Variants in CTNNA3 observed in about 807,000 individuals in gnomAD.
CTNNA3 encodes catenin alpha-3.
In CTNNA3, 76 loss-of-function variants were observed where a neutral mutation model predicts 95.7. The ratio of observed to expected loss-of-function variants is 0.79; its 90% CI spans 0.66 to 0.96. CTNNA3 has a LOEUF of 0.96. CTNNA3 is among the 40% of genes least tolerant of loss of function. The pLI is 0.00. For missense variants in CTNNA3, 1,191 were observed against 1,089.8 expected (o/e 1.09, Z -1.31); for synonymous variants, 431 against 374.4 (o/e 1.15, Z -1.74).
chr10:65,942,014 T>C (rs933435622), intron 17 of CTNNA3, among the ~76,000 whole-genome samples: 1 of 152,194 alleles, frequency 6.6e-6, no homozygotes, highest in Non-Finnish European at 1.5e-5. Flanking sequence ...GGTTTTTTGT[T>C]TGCTTACTGA....
At chr10:67,360,415 G>A (rs80220426) in intron 5 of CTNNA3, among the ~76,000 whole-genome samples, 7 of 137,352 alleles carry the variant, frequency 5.1e-5, no homozygotes, top group African/African-American at 1.9e-4. Context: ...AGAGCAAGCA[G>A]GAAAAAAAAA....
intron 11 of CTNNA3, among the ~76,000 whole-genome samples, chr10:66,439,526 A>C (rs1564964074): frequency 6.6e-6 from 1 of 152,178 alleles, no homozygotes; most frequent in Non-Finnish European, 1.5e-5. Flanking sequence ...GTGATCTCAA[A>C]GATTCCTTAT....
intron 5 of CTNNA3, among the ~76,000 whole-genome samples, chr10:67,461,550 AT>A (rs1399790917): frequency 6.6e-6 from 1 of 152,168 alleles, no homozygotes; most frequent in Non-Finnish European, 1.5e-5. Flanking sequence ...ACTATTTGCA[AT>A]TTTCTGAATC....
intron 13 of CTNNA3, among the ~76,000 whole-genome samples, chr10:66,269,985 C>T (rs2132126740): frequency 6.6e-6 from 1 of 152,262 alleles, no homozygotes; most frequent in South Asian, 2.1e-4. Flanking sequence ...GCTTAGTACA[C>T]ATCCTTGGAA....
chr10:66,329,086 G>A (rs1413301105), intron 12 of CTNNA3, among the ~76,000 whole-genome samples: 2 of 151,124 alleles, frequency 1.3e-5, no homozygotes, highest in East Asian at 3.9e-4. Flanking sequence ...GAGTAGCTGG[G>A]ATTACAGGTG....
chr10:66,018,072 C>T (rs1307314136), intron 15 of CTNNA3, among the ~76,000 whole-genome samples: 1 of 151,896 alleles, frequency 6.6e-6, no homozygotes, highest in African/African-American at 2.4e-5. Flanking sequence ...CGTCCAGAAA[C>T]AAGTGTGACA....
chr10:66,517,582 G>C (rs566293528), intron 11 of CTNNA3, among the ~76,000 whole-genome samples: 64 of 152,162 alleles, frequency 4.2e-4, no homozygotes, highest in African/African-American at 1.4e-3. Context: ...AAAAGGGGGA[G>C]GCATGAATAA....
At chr10:67,395,541 A>C (rs1457174406) in intron 5 of CTNNA3, among the ~76,000 whole-genome samples, 2 of 152,240 alleles carry the variant, frequency 1.3e-5, no homozygotes, top group African/African-American at 4.8e-5. Context: ...TATGGTGCTG[A>C]CAGCAGCAGG....
At chr10:65,928,807 C>T (rs1429365678) in intron 17 of CTNNA3, among the ~76,000 whole-genome samples, 2 of 152,132 alleles carry the variant, frequency 1.3e-5, no homozygotes, top group Admixed American at 1.3e-4. Context: ...ACTCAGAATG[C>T]AAATCTGTTG....
rs146113636 is a variant in CTNNA3 at position 67,477,631 on chromosome 10, C to T, written c.579+44211G>A. Among the ~76,000 whole-genome samples the T allele has an allele frequency of 3.6e-3, 552 of 151,922 alleles. 8 individuals carry two copies. The highest frequency in any genetic ancestry group is 0.013 in the African/African-American group (528 of 41,384). ...GTCTACAGTCACACTTCCTAAGAAG[C>T]GGGGAAAGGGAAAGGGAGAGAAAAC... On this transcript the variant is annotated intron_variant, in intron 5 of 17. Coordinates refer to ENST00000433211, the MANE Select transcript of CTNNA3 (RefSeq NM_013266.4).
At chr10:66,000,883 G>T (rs1442789067) in intron 15 of CTNNA3, among the ~76,000 whole-genome samples, 1 of 152,114 alleles carries the variant, frequency 6.6e-6, no homozygotes, top group Non-Finnish European at 1.5e-5. Flanking sequence ...TTTGAACTCA[G>T]GGAATGTGGC....
At chr10:67,089,114 G>C (rs1761468635) in intron 7 of CTNNA3, among the ~76,000 whole-genome samples, 1 of 151,902 alleles carries the variant, frequency 6.6e-6, no homozygotes, top group African/African-American at 2.4e-5. Context: ...ATAAACCTAA[G>C]GGACCCCCCA....
chr10:67,148,506 G>A (rs1860942151), intron 7 of CTNNA3, among the ~76,000 whole-genome samples: 1 of 152,168 alleles, frequency 6.6e-6, no homozygotes. Context: ...AGGATGGAAT[G>A]ACTTTGATTC....
chr10:67,550,259 C>T (rs1298688221), intron 3 of CTNNA3, among the ~76,000 whole-genome samples: 1 of 152,012 alleles, frequency 6.6e-6, no homozygotes, highest in African/African-American at 2.4e-5. Flanking sequence ...TCCCATATGC[C>T]TCAGTTAAAT....
chr10:67,684,530 C>T (rs1284572280), intron 1 of CTNNA3, among the ~76,000 whole-genome samples: 2 of 152,206 alleles, frequency 1.3e-5, no homozygotes, highest in Non-Finnish European at 2.9e-5. Context: ...CCCCTCTAAA[C>T]AGGACACCCC....
intron 17 of CTNNA3, among the ~76,000 whole-genome samples, chr10:65,921,677 T>G (rs1389840208): frequency 6.6e-6 from 1 of 152,194 alleles, no homozygotes; most frequent in African/African-American, 2.4e-5. Context: ...CAGGGCAGTG[T>G]GAACTGCCAT....
intron 7 of CTNNA3, 131 bp from the exon 8 acceptor site, chr10:66,775,655 A>T (rs1483097563): frequency 1.6e-6 from 1 of 621,970 alleles, no homozygotes; most frequent in Non-Finnish European, 2.9e-6. Flanking sequence ...TATATTATAT[A>T]TGATTCATGA....
intron 7 of CTNNA3, among the ~76,000 whole-genome samples, chr10:67,034,039 TGA>T (rs1853893354): frequency 6.6e-6 from 1 of 152,334 alleles, no homozygotes; most frequent in Non-Finnish European, 1.5e-5. Flanking sequence ...TCCAACGTGC[TGA>T]GACTACAGGC....
At chr10:66,895,456 G>A (rs1006672683) in intron 7 of CTNNA3, among the ~76,000 whole-genome samples, 6 of 152,214 alleles carry the variant, frequency 3.9e-5, no homozygotes, top group African/African-American at 1.4e-4. Flanking sequence ...GCGGGAAAAT[G>A]TTAATATTAA....
Sources: allele counts gnomAD v4.1 joint callset (sites outside exome capture counted in the v4.1 genomes callset), GRCh38; gene constraint gnomAD v4.1.1; transcripts MANE v1.5; gene names NCBI Gene and HGNC (gene_info 2026-07-23, HGNC 2026-07-21).